The following PRKCB variants were observed in gnomAD, a reference collection of about 807,000 sequenced individuals.
The protein encoded by PRKCB is protein kinase C beta.
A neutral mutation model predicts 81.5 loss-of-function variants in PRKCB; 13 were observed. The observed-to-expected ratio is 0.16, with a 90% CI of 0.10 to 0.25. PRKCB has a LOEUF of 0.25. Among genes scored for constraint, PRKCB ranks in the 10% least tolerant of loss-of-function variants. PRKCB has a pLI of 1.00. For synonymous variants in PRKCB, 335 were observed against 321.4 expected (o/e 1.04, Z -0.45); for missense variants, 509 against 875.7 (o/e 0.58, Z 5.29).
At chr16:24,148,142 C>T (rs887419782) in intron 9 of PRKCB, among the ~76,000 whole-genome samples, 6 of 152,180 alleles carry the variant, frequency 3.9e-5, no homozygotes, top group African/African-American at 9.7e-5. Flanking sequence ...AGATCCAGAT[C>T]GTTTAATCCT....
At chr16:23,993,280 A>G (rs1428363697) in intron 3 of PRKCB, among the ~76,000 whole-genome samples, 1 of 152,212 alleles carries the variant, frequency 6.6e-6, no homozygotes, top group African/African-American at 2.4e-5. Context: ...GGCTGAATTT[A>G]TTGATAGAAG....
intron 10 of PRKCB, among the ~76,000 whole-genome samples, chr16:24,158,751 T>A (rs1417330182): frequency 6.6e-6 from 1 of 152,024 alleles, no homozygotes; most frequent in Non-Finnish European, 1.5e-5. Flanking sequence ...CTTGGGCTCC[T>A]GGGCTCAATA....
At position 24,191,083 on chromosome 16, in the gene PRKCB, C is replaced by T. The variant is rs1345257512; in HGVS notation, c.1723-7C>T. On this transcript the variant is annotated splice_polypyrimidine_tract_variant and splice_region_variant and intron_variant, in intron 15 of 16. Coordinates refer to ENST00000643927, the MANE Select transcript of PRKCB (RefSeq NM_002738.7). ...CAGCAAATTCAATGTTTTTCTTTCTCTCGAAGCTGATGACCAAACACCCAG... is the reference window on the plus strand; with the variant it reads ...CAGCAAATTCAATGTTTTTCTTTCTTTCGAAGCTGATGACCAAACACCCAG... 42 of 1,611,896 alleles carry T rather than the reference C, an allele frequency of 2.6e-5. No homozygotes were observed. The highest frequency in any genetic ancestry group is 3.4e-5 in the Non-Finnish European group (40 of 1,178,968).
At chr16:23,922,903 C>G (rs74012811) in intron 2 of PRKCB, among the ~76,000 whole-genome samples, 52 of 150,822 alleles carry the variant, frequency 3.4e-4, no homozygotes, top group African/African-American at 1.2e-3. Flanking sequence ...ATTTAGGTAG[C>G]CAGTGTTACA....
chr16:23,857,326 A>C (rs952663225), intron 2 of PRKCB, among the ~76,000 whole-genome samples: 4 of 152,132 alleles, frequency 2.6e-5, no homozygotes, highest in Non-Finnish European at 5.9e-5. Context: ...ATGTGGGTTG[A>C]GAAAGAAGTG....
intron 5 of PRKCB, among the ~76,000 whole-genome samples, chr16:24,081,143 T>C (rs1202320986): frequency 6.6e-6 from 1 of 152,194 alleles, no homozygotes; most frequent in Non-Finnish European, 1.5e-5. Flanking sequence ...AAGAACTCTT[T>C]GTAAACATAA....
intron 5 of PRKCB, among the ~76,000 whole-genome samples, chr16:24,068,472 C>CA (rs1966065799): frequency 6.2e-5 from 8 of 129,900 alleles, no homozygotes; most frequent in African/African-American, 2.1e-4. Flanking sequence ...ATTTATGGCC[C>CA]AAAGGAAAAA....
At chr16:24,161,791 A>C (rs1291505935) in intron 10 of PRKCB, among the ~76,000 whole-genome samples, 2 of 152,178 alleles carry the variant, frequency 1.3e-5, no homozygotes, top group East Asian at 3.9e-4. Flanking sequence ...ATGGTGAATA[A>C]AATATAATAA....
chr16:23,954,028 C>A (rs949622228), intron 2 of PRKCB, among the ~76,000 whole-genome samples: 9 of 151,832 alleles, frequency 5.9e-5, no homozygotes, highest in African/African-American at 2.2e-4. Flanking sequence ...ACCACCATGC[C>A]CGGCTAATTT....
In PRKCB at chr16:24,218,443, T is replaced by G; in HGVS notation, c.*3627T>G. On this transcript the variant is annotated 3_prime_UTR_variant, in exon 17 of 17. Coordinates refer to ENST00000643927, the MANE Select transcript of PRKCB (RefSeq NM_002738.7). ...GGACCCTACCCAGGAAACAGCTCCA[T>G]CAGCATCTTAGCCTGCCCCACTCTA... is the stretch of plus-strand genomic sequence containing the variant. 10 of 985,394 alleles carry G rather than the reference T, an allele frequency of 1.0e-5. No individual in the cohort carries two copies. Among genetic ancestry groups the G allele is most frequent in the Non-Finnish European group, 1.2e-5 (10 of 829,978 alleles). 61.0% of individuals were successfully genotyped at this position (985,394 alleles called of 1,614,324 possible). A position where few individuals can be genotyped will look rare whatever the true frequency, so the allele number is the denominator to read the frequency against.
intron 3 of PRKCB, among the ~76,000 whole-genome samples, chr16:24,006,801 T>G (rs1965128576): frequency 6.6e-6 from 1 of 151,746 alleles, no homozygotes; most frequent in African/African-American, 2.4e-5. Flanking sequence ...AGGATGGCTT[T>G]TCAAAGGAGA....
chr16:24,220,016 A>C lies in PRKCB; in HGVS notation c.*5200A>C. 8 of 1,614,204 alleles carry C rather than the reference A, an allele frequency of 5.0e-6. No individual in the cohort carries two copies. Among genetic ancestry groups the C allele is most frequent in the Non-Finnish European group, 6.8e-6 (8 of 1,180,028 alleles). ...AAAGAGTTCACCAGACAGCCTGTGG[A>C]ACTGACCCCCACTGATAAACTCTTC... On this transcript the variant is annotated 3_prime_UTR_variant, in exon 17 of 17. Transcript: ENST00000643927.
At chr16:23,918,370 G>A (rs554744028) in intron 2 of PRKCB, among the ~76,000 whole-genome samples, 26 of 150,978 alleles carry the variant, frequency 1.7e-4, no homozygotes, top group African/African-American at 5.9e-4. Context: ...CTTGTTCTTT[G>A]TGTTACCTTT....
intron 5 of PRKCB, among the ~76,000 whole-genome samples, chr16:24,069,090 C>T (rs1248409022): frequency 1.3e-5 from 2 of 152,112 alleles, no homozygotes; most frequent in African/African-American, 4.8e-5. Flanking sequence ...ACTGAGTTAC[C>T]GAGAAGTTAG....
Position 23,927,908 on chromosome 16 carries a change from C to T in PRKCB, c.206-60600C>T, listed in dbSNP as rs377575414. Among the ~76,000 whole-genome samples, 6 of 151,888 alleles carry T rather than the reference C, an allele frequency of 4.0e-5. No homozygotes were observed. In the South Asian group the frequency reaches 6.2e-4, roughly 16 times the overall value. On this transcript the variant is annotated intron_variant, in intron 2 of 16. Coordinates refer to ENST00000643927, the MANE Select transcript of PRKCB (RefSeq NM_002738.7). ...CAGTTGGCGTGTGGATATCTTGGGG[C>T]TTAGGGCGTGGATCTGGGCTCAGGG...
intron 3 of PRKCB, among the ~76,000 whole-genome samples, chr16:23,996,669 T>C (rs916213956): frequency 1.3e-5 from 2 of 152,224 alleles, no homozygotes; most frequent in African/African-American, 2.4e-5. Flanking sequence ...GTTATGAAAT[T>C]CCACACAGCA....
At chr16:24,186,135 T>C (rs1455009715) in intron 15 of PRKCB, among the ~76,000 whole-genome samples, 1 of 152,166 alleles carries the variant, frequency 6.6e-6, no homozygotes, top group Non-Finnish European at 1.5e-5. Context: ...ATCTACGGTT[T>C]ATGCACAGGG....
chr16:24,063,186 C>T (rs1044332578), intron 5 of PRKCB, among the ~76,000 whole-genome samples: 4 of 151,938 alleles, frequency 2.6e-5, no homozygotes, highest in African/African-American at 4.8e-5. Context: ...TCTCACCATG[C>T]GTTGTTGATC....
chr16:23,973,560 A>T (rs528145920), intron 2 of PRKCB, among the ~76,000 whole-genome samples: 1 of 152,248 alleles, frequency 6.6e-6, no homozygotes, highest in South Asian at 2.1e-4. Flanking sequence ...TTCCTACTTT[A>T]TGGTTGAAAA....
Sources: allele counts gnomAD v4.1 joint callset (sites outside exome capture counted in the v4.1 genomes callset), GRCh38; gene constraint gnomAD v4.1.1; transcripts MANE v1.5; gene names NCBI Gene and HGNC (gene_info 2026-07-23, HGNC 2026-07-21).